The following CEACAM18 variants were observed in gnomAD, a reference collection of about 807,000 sequenced individuals.
The protein encoded by CEACAM18 is cell adhesion molecule CEACAM18.
A neutral mutation model predicts 34.3 loss-of-function variants in CEACAM18; 33 were observed. That is an observed-to-expected ratio of 0.96 (90% CI 0.73 to 1.29). CEACAM18 has a LOEUF of 1.29. CEACAM18 is among the 50% of genes most tolerant of loss of function. CEACAM18 has a pLI of 0.00. For missense variants in CEACAM18, 474 were observed against 485.0 expected, an observed-to-expected ratio of 0.98 and a Z score of 0.21; for synonymous variants, 169 against 180.9, an observed-to-expected ratio of 0.93 and a Z score of 0.53.
chr19:51,486,691 T>C (rs897040390), intron 5 of CEACAM18, among the ~76,000 whole-genome samples: 7 of 151,440 alleles, frequency 4.6e-5, no homozygotes, highest in African/African-American at 1.7e-4. Context: ...CTAATTTTCT[T>C]TTTTCTTTTT....
intron 5 of CEACAM18, among the ~76,000 whole-genome samples, chr19:51,489,179 T>TTTCAC (rs1219945929): frequency 1.4e-4 from 21 of 147,150 alleles, no homozygotes; most frequent in African/African-American, 2.2e-4. Flanking sequence ...CAAAGTGAAA[T>TTTCAC]TTTGGATGAT....
At chr19:51,481,770 G>A (rs1448908352) in intron 3 of CEACAM18, 105 bp downstream of exon 3, 1 of 1,218,228 alleles carries the variant, frequency 8.2e-7, no homozygotes, top group Non-Finnish European at 1.1e-6. Flanking sequence ...GGGCATCCTG[G>A]GCCAGCCTGC....
intron 2 of CEACAM18, 69 bp from the exon 3 acceptor site, chr19:51,481,324 C>A (rs1989911079): frequency 1.3e-6 from 2 of 1,504,766 alleles, no homozygotes; most frequent in Admixed American, 3.6e-5. Context: ...CAGAAGTCCC[C>A]TGGAGAGGAG....
intron 5 of CEACAM18, among the ~76,000 whole-genome samples, chr19:51,486,070 T>C (rs762872992): frequency 6.6e-6 from 1 of 152,078 alleles, no homozygotes; most frequent in Non-Finnish European, 1.5e-5. Context: ...GCAATGATGA[T>C]GTAGATTAAT....
chr19:51,478,845 A>G (rs1444899348), intron 1 of CEACAM18, among the ~76,000 whole-genome samples, 151 bp downstream of exon 1: 1 of 151,298 alleles, frequency 6.6e-6, no homozygotes, highest in Non-Finnish European at 1.5e-5. Flanking sequence ...AAGGGGGAGG[A>G]CCCTCAGCAC....
chr19:51,488,403 G>T (rs1221900868), intron 5 of CEACAM18, among the ~76,000 whole-genome samples: 1 of 152,202 alleles, frequency 6.6e-6, no homozygotes, highest in Non-Finnish European at 1.5e-5. Flanking sequence ...ACCAGTATTA[G>T]TTCCATTTTA....
intron 4 of CEACAM18, 34 bp downstream of exon 4, chr19:51,483,330 A>T: frequency 1.2e-6 from 2 of 1,612,570 alleles, no homozygotes; most frequent in South Asian, 2.2e-5. Flanking sequence ...CATGCTTTGC[A>T]CATCTCCCTG....
At chr19:51,489,640 A>T (rs1187337257) in intron 5 of CEACAM18, among the ~76,000 whole-genome samples, 2 of 152,162 alleles carry the variant, frequency 1.3e-5, no homozygotes, top group African/African-American at 4.8e-5. Context: ...GGAGCCTACA[A>T]TGTCGACCAT....
intron 5 of CEACAM18, 139 bp downstream of exon 5, chr19:51,485,261 C>A: frequency 1.2e-6 from 1 of 830,618 alleles, no homozygotes; most frequent in Non-Finnish European, 1.8e-6. Flanking sequence ...TCATCTGGGG[C>A]AGACAGATCA....
intron 3 of CEACAM18, among the ~76,000 whole-genome samples, chr19:51,482,438 G>C (rs977624450): frequency 1.3e-5 from 2 of 152,128 alleles, no homozygotes; most frequent in African/African-American, 4.8e-5. Flanking sequence ...TAAAGCGCAG[G>C]CTACGGCACC....
At chr19:51,478,862 C>A (rs1278294581) in intron 1 of CEACAM18, among the ~76,000 whole-genome samples, 168 bp downstream of exon 1, 2 of 152,036 alleles carry the variant, frequency 1.3e-5, no homozygotes, top group African/African-American at 2.4e-5. Context: ...GCACAACTTT[C>A]ATGAGCTCAC....
exon 4 of CEACAM18, chr19:51,483,140 A>G (rs1374872078): frequency 6.2e-7 from 1 of 1,613,996 alleles, no homozygotes. Flanking sequence ...CTCAAGTACC[A>G]CTGGATCCAC....
Position 51,481,386 on chromosome 19 carries a change from C to T in CEACAM18, c.401-7C>T. On this transcript the variant is annotated splice_region_variant and splice_polypyrimidine_tract_variant and intron_variant, in intron 2 of 5. Transcript: ENST00000396477. ...TGTAATTTTTTTCTCTTTCCTGCTT[C>T]ACCCAGAGTTGGGAAGCAATCTGGG... 1.9e-6 allele frequency: 3 copies of T among 1,612,454 alleles called. No individual in the cohort carries two copies. Among genetic ancestry groups the T allele is most frequent in the Non-Finnish European group, 1.7e-6 (2 of 1,178,934 alleles).
At chr19:51,482,977 G>T in intron 3 of CEACAM18, 40 bp from the exon 4 acceptor site, 1 of 1,602,758 alleles carries the variant, frequency 6.2e-7, no homozygotes, top group Non-Finnish European at 8.5e-7. Flanking sequence ...ACGCCGAGGG[G>T]TCAGAAACAT....
intron 1 of CEACAM18, among the ~76,000 whole-genome samples, chr19:51,479,837 C>G (rs1033985648): frequency 2.0e-5 from 3 of 152,294 alleles, no homozygotes; most frequent in Non-Finnish European, 4.4e-5. Flanking sequence ...GCAGTCATGT[C>G]TTCTGATAAA....
intron 1 of CEACAM18, 91 bp from the exon 2 acceptor site, chr19:51,480,242 G>A (rs1368425262): frequency 4.9e-5 from 53 of 1,081,876 alleles, no homozygotes; most frequent in Non-Finnish European, 6.0e-5. Flanking sequence ...TCTGGGAATC[G>A]TTCCCGGATG....
chr19:51,489,190 T>G (rs76149673), intron 5 of CEACAM18, among the ~76,000 whole-genome samples: 2,517 of 148,740 alleles, frequency 0.017, 55 homozygotes, highest in African/African-American at 0.048. Context: ...TTTGGATGAT[T>G]AGGTTGACAT....
chr19:51,486,165 A>C (rs555120507), intron 5 of CEACAM18, among the ~76,000 whole-genome samples: 2 of 152,134 alleles, frequency 1.3e-5, no homozygotes, highest in South Asian at 4.2e-4. Context: ...GATGATGACA[A>C]AGATGATGGT....
At chr19:51,481,077 C>G (rs902783246) in intron 2 of CEACAM18, among the ~76,000 whole-genome samples, 2 of 152,196 alleles carry the variant, frequency 1.3e-5, no homozygotes, top group Admixed American at 6.5e-5. Flanking sequence ...ACCTCTCACT[C>G]AGAACCTCTC....
Sources: allele counts gnomAD v4.1 joint callset (sites outside exome capture counted in the v4.1 genomes callset), GRCh38; gene constraint gnomAD v4.1.1; transcripts MANE v1.5; gene names NCBI Gene and HGNC (gene_info 2026-07-23, HGNC 2026-07-21).